Variants in STAB2 observed in about 807,000 individuals in gnomAD.
STAB2 encodes stabilin-2.
Under a neutral mutation model 338.1 loss-of-function variants are expected in STAB2, and 288 were observed. The ratio of observed to expected loss-of-function variants is 0.85; its 90% CI spans 0.77 to 0.94. The LOEUF (loss-of-function observed/expected upper bound fraction) is 0.94. STAB2 is among the 40% of genes least tolerant of loss of function. The pLI is 0.00. For synonymous variants in STAB2, 1,202 were observed against 1,193.3 expected, an observed-to-expected ratio of 1.01 and a Z score of -0.15; for missense variants, 3,141 against 3,210.1, an observed-to-expected ratio of 0.98 and a Z score of 0.52.
At chr12:103,681,613 CTTTTTTTTTTTTT>C (rs907234037) in intron 25 of STAB2, among the ~76,000 whole-genome samples, 22 of 92,950 alleles carry the variant, frequency 2.4e-4, no homozygotes, top group South Asian at 2.2e-3. Flanking sequence ...TTCCCCCCTA[CTTTTTTTTTTTTT>C]TTTTTTTTTT....
Position 103,625,804 on chromosome 12 carries a change from T to A in STAB2, c.487+3693T>A, listed in dbSNP as rs146991832. On this transcript the variant is annotated intron_variant, in intron 5 of 68. Coordinates refer to ENST00000388887, the MANE Select transcript of STAB2 (RefSeq NM_017564.10). ...TCCGAGTCTTTGCTATCGTGAATAG[T>A]GCCGCAATAAACATGTGTGTGCATG... 2.0e-5 allele frequency among the ~76,000 whole-genome samples: 3 copies of A among 152,356 alleles called. No individual in the cohort carries two copies. The South Asian group carries it at 6.2e-4, about 32-fold the overall frequency.
At chr12:103,694,205 T>G (rs1004771664) in intron 31 of STAB2, among the ~76,000 whole-genome samples, 1 of 152,182 alleles carries the variant, frequency 6.6e-6, no homozygotes, top group African/African-American at 2.4e-5. Flanking sequence ...TGTGCACCCC[T>G]GTTTGGGGTT....
At chr12:103,638,630 T>C (rs1016403110) in intron 8 of STAB2, among the ~76,000 whole-genome samples, 2 of 152,146 alleles carry the variant, frequency 1.3e-5, no homozygotes, top group African/African-American at 4.8e-5. Context: ...ATGAAACAGA[T>C]AAAATGTCAG....
chr12:103,627,207 GC>G (rs552474737), intron 5 of STAB2, among the ~76,000 whole-genome samples: 212 of 152,308 alleles, frequency 1.4e-3, no homozygotes, highest in African/African-American at 4.7e-3. Context: ...CCTAAGCACT[GC>G]CCCAGTCTGC....
chr12:103,746,449 G>C, intron 57 of STAB2, 148 bp from the exon 58 acceptor site: 3 of 678,488 alleles, frequency 4.4e-6, no homozygotes, highest in Middle Eastern at 2.6e-4. Flanking sequence ...GGCTAGAAAA[G>C]ACCTTAGCAA....
intron 61 of STAB2, 142 bp from the exon 62 acceptor site, chr12:103,755,160 C>T: frequency 8.7e-7 from 1 of 1,144,584 alleles, no homozygotes; most frequent in South Asian, 1.4e-5. Flanking sequence ...TGACCACCTA[C>T]TGTGTGCCAG....
Position 103,708,471 on chromosome 12 carries a change from A to G in STAB2, c.4223A>G (p.Gln1408Arg). Residue 1408 changes from glutamine to arginine, a missense_variant, in exon 39 of 69, where the codon CAA (glutamine) becomes CGA (arginine). Gln to Arg is a conservative substitution (Grantham distance 43). Coordinates refer to ENST00000388887, the MANE Select transcript of STAB2 (RefSeq NM_017564.10). ...ACSCVHGRCN[Q>R]GPLGDGSCDC... ...TCTTGTGTCCATGGGAGATGCAACCAAGGACCCTTGGGAGATGGCTCCTGT... is the reference window on the plus strand; with the variant it reads ...TCTTGTGTCCATGGGAGATGCAACCGAGGACCCTTGGGAGATGGCTCCTGT... 1 of 1,614,114 alleles carries G rather than the reference A, an allele frequency of 6.2e-7. No individual in the cohort carries two copies. Among genetic ancestry groups the G allele is most frequent in the Non-Finnish European group, 8.5e-7 (1 of 1,179,974 alleles).
intron 3 of STAB2, among the ~76,000 whole-genome samples, chr12:103,611,336 G>C (rs11523589): frequency 6.6e-6 from 1 of 152,290 alleles, no homozygotes; most frequent in East Asian, 1.9e-4. Flanking sequence ...TCTCTTTGTA[G>C]GTCTCTAAGG....
intron 6 of STAB2, among the ~76,000 whole-genome samples, chr12:103,633,441 G>A (rs1957495749): frequency 6.6e-6 from 1 of 152,206 alleles, no homozygotes; most frequent in African/African-American, 2.4e-5. Flanking sequence ...CCAGCACTTT[G>A]GGAGGCCGAG....
chr12:103,676,861 T>C (rs1234811523), intron 24 of STAB2, among the ~76,000 whole-genome samples: 1 of 152,200 alleles, frequency 6.6e-6, no homozygotes, highest in Non-Finnish European at 1.5e-5. Flanking sequence ...CTTCAGTAAT[T>C]TCCTCTGGCT....
At position 103,763,565 on chromosome 12, in the gene STAB2, G is replaced by A; in HGVS notation, c.7562G>A (p.Ser2521Asn). 6.2e-7 allele frequency: 1 copy of A among 1,614,120 alleles called. No individual in the cohort carries two copies. The highest frequency in any genetic ancestry group is 8.5e-7 in the Non-Finnish European group (1 of 1,180,000). Residue 2521 changes from serine (S) to asparagine (N), a missense_variant, in exon 68 of 69, where the codon AGC (serine) becomes AAC (asparagine). Coordinates refer to ENST00000388887, the MANE Select transcript of STAB2 (RefSeq NM_017564.10). ...PENISNPLYE[S>N]TTSAPPEPSY... Reference sequence around the variant, plus strand: ...AATATCTCGAACCCCTTGTATGAGAGCACAACCTCAGCTCCCCCAGAACCT... The same window carrying A: ...AATATCTCGAACCCCTTGTATGAGAACACAACCTCAGCTCCCCCAGAACCT...
chr12:103,598,991 C>T lies in STAB2; in HGVS notation c.331+4481C>T, dbSNP rs1486757710. Among the ~76,000 whole-genome samples the T allele has an allele frequency of 2.6e-5, 4 of 152,186 alleles. No homozygotes were observed. In the East Asian group the frequency reaches 7.7e-4, roughly 29 times the overall value. ...GACACTGGGACTTTGAGGAGTTTTG[C>T]AGCCTGCCCAAAGAGAACCAGCTAA... is the stretch of plus-strand genomic sequence containing the variant. On this transcript the variant is annotated intron_variant, in intron 3 of 68. Transcript: ENST00000388887.
At chr12:103,681,256 A>C (rs1047253977) in intron 25 of STAB2, among the ~76,000 whole-genome samples, 1 of 152,100 alleles carries the variant, frequency 6.6e-6, no homozygotes, top group Non-Finnish European at 1.5e-5. Flanking sequence ...AATTGCATTC[A>C]TTTTTGACGC....
chr12:103,685,040 G>C lies in STAB2; in HGVS notation c.2953G>C (p.Gly985Arg), dbSNP rs1352915975. ...TGTCTGGAGCTGTGTTTGTCAAGAG[G>C]GCTATGAAGGAGATGGCTTTCTGTG... ...SGVWSCVCQE[G>R]YEGDGFLCYG... Residue 985 changes from glycine (G) to arginine (R), a missense_variant, in exon 27 of 69, where the codon GGC (glycine) becomes CGC (arginine). Coordinates refer to ENST00000388887, the MANE Select transcript of STAB2 (RefSeq NM_017564.10). 6.2e-7 allele frequency: 1 copy of C among 1,614,042 alleles called. No homozygotes were observed. The highest frequency in any genetic ancestry group is 2.2e-5 in the East Asian group (1 of 44,888).
intron 20 of STAB2, chr12:103,669,137 C>T (rs1297993991): frequency 4.1e-6 from 1 of 243,142 alleles, no homozygotes; most frequent in African/African-American, 2.2e-5. Flanking sequence ...CTGCAGTGGC[C>T]TCCCTAGTAC....
intron 57 of STAB2, 82 bp from the exon 58 acceptor site, chr12:103,746,511 CAGAG>C (rs372408865): frequency 3.1e-6 from 4 of 1,279,226 alleles, no homozygotes; most frequent in Non-Finnish European, 4.5e-6. Context: ...AGTGGTCGTC[CAGAG>C]AGAGTCTTGG....
intron 66 of STAB2, among the ~76,000 whole-genome samples, chr12:103,761,922 G>A (rs968943432): frequency 3.3e-5 from 5 of 152,182 alleles, no homozygotes; most frequent in African/African-American, 1.2e-4. Flanking sequence ...GAGGTGAGCT[G>A]CTGGAGAGTT....
chr12:103,614,701 G>A (rs1435777171), intron 3 of STAB2, among the ~76,000 whole-genome samples: 1 of 152,202 alleles, frequency 6.6e-6, no homozygotes, highest in Non-Finnish European at 1.5e-5. Flanking sequence ...GTGTCCAGCT[G>A]ATACACCACA....
intron 9 of STAB2, among the ~76,000 whole-genome samples, chr12:103,646,839 T>C (rs956561718): frequency 6.6e-6 from 1 of 152,194 alleles, no homozygotes; most frequent in African/African-American, 2.4e-5. Context: ...GAAGAGACAA[T>C]GTCTCCAGAG....
Sources: allele counts gnomAD v4.1 joint callset (sites outside exome capture counted in the v4.1 genomes callset), GRCh38; gene constraint gnomAD v4.1.1; transcripts MANE v1.5; gene names NCBI Gene and HGNC (gene_info 2026-07-23, HGNC 2026-07-21).